The following CCDC82 variants were observed in gnomAD, a reference collection of about 807,000 sequenced individuals.
CCDC82 encodes coiled-coil domain containing 82.
A neutral mutation model predicts 60.6 loss-of-function variants in CCDC82; 47 were observed. The observed-to-expected ratio is 0.77, with a 90% CI of 0.61 to 0.99. The LOEUF is 0.99. Ranked by LOEUF, CCDC82 falls within the 50% of genes least tolerant of loss-of-function variation. The pLI is 0.00. For synonymous variants in CCDC82, 212 were observed against 207.4 expected (o/e 1.02, Z -0.19); for missense variants, 588 against 633.0 (o/e 0.93, Z 0.76).
At chr11:96,382,637 GA>G (rs1303136256) in intron 5 of CCDC82, 1 of 151,750 alleles carries the variant, frequency 6.6e-6, no homozygotes, top group Non-Finnish European at 1.5e-5. Context: ...ATATGGTTTT[GA>G]ATTCCATATT....
rs77632114 is a variant in CCDC82 at position 96,375,457 on chromosome 11, G to C, written c.992-1990C>G. Among the ~76,000 whole-genome samples the C allele has an allele frequency of 8.8e-3, 1,334 of 152,278 alleles. 17 individuals carry two copies. Among genetic ancestry groups the C allele is most frequent in the African/African-American group, 0.031 (1,278 of 41,556 alleles). ...AAAAGGCACCTATTTCATTATGCTT[G>C]AGTAGACTGGTGGGTGGTGGTGGGT... On this transcript the variant is annotated intron_variant, in intron 5 of 9. Coordinates refer to ENST00000646818, the MANE Select transcript of CCDC82 (RefSeq NM_024725.4).
At chr11:96,357,751 ACTTAAGAATTTAATGTTGT>A in intron 9 of CCDC82, 17 of 985,456 alleles carry the variant, frequency 1.7e-5, no homozygotes, top group Non-Finnish European at 2.0e-5. Flanking sequence ...CAATAAAAGC[ACTTAAGAATTTAATGTTGT>A]CTAGGAAAAT....
chr11:96,363,397 AATT>A (rs1347417409), intron 8 of CCDC82: 1 of 152,178 alleles, frequency 6.6e-6, no homozygotes, highest in African/African-American at 2.4e-5. Flanking sequence ...TTAAAGAAAA[AATT>A]ACTGAAAAAA....
intron 8 of CCDC82, chr11:96,364,586 A>G (rs1864847778): frequency 6.5e-6 from 1 of 153,464 alleles, no homozygotes; most frequent in Admixed American, 6.5e-5. Context: ...TTGTAAATGC[A>G]GCAATCTTAT....
intron 7 of CCDC82, among the ~76,000 whole-genome samples, chr11:96,367,864 C>T (rs1238124051): frequency 6.7e-6 from 1 of 149,494 alleles, no homozygotes; most frequent in Non-Finnish European, 1.5e-5. Flanking sequence ...CTGTGTCACC[C>T]AGACTGAGTG....
chr11:96,358,251 T>C (rs117644218), intron 9 of CCDC82: 11,152 of 1,068,154 alleles, frequency 0.01, 71 homozygotes, highest in Non-Finnish European at 0.012. Context: ...TATACATTCA[T>C]GTAACTAGAC....
rs775025372 is a variant in CCDC82 at position 96,371,124 on chromosome 11, T to C, written c.1098A>G (p.Gln366=). 1 of 1,592,730 alleles carries C rather than the reference T, an allele frequency of 6.3e-7. No homozygotes were observed. Among genetic ancestry groups the C allele is most frequent in the South Asian group, 1.2e-5 (1 of 85,552 alleles). ...FLGTLYDGTR[Q]KSYAKDMLTS... Reference sequence around the variant, plus strand: ...TTAGCATATCTTTTGCATATGATTTTTGCCTTGTGCCATCTGTTCAGGGGA... The same window carrying C: ...TTAGCATATCTTTTGCATATGATTTCTGCCTTGTGCCATCTGTTCAGGGGA... Residue 366 remains glutamine, a synonymous_variant, in exon 7 of 10, where the codon CAA becomes CAG. Coordinates refer to ENST00000646818, the MANE Select transcript of CCDC82 (RefSeq NM_024725.4).
At chr11:96,365,624 C>CT (rs1327055847) in intron 7 of CCDC82, among the ~76,000 whole-genome samples, 2 of 152,174 alleles carry the variant, frequency 1.3e-5, no homozygotes, top group Non-Finnish European at 2.9e-5. Context: ...CCTATGATAA[C>CT]TTACTACAGT....
chr11:96,360,362 T>G (rs1404115778), intron 8 of CCDC82, among the ~76,000 whole-genome samples: 2 of 151,208 alleles, frequency 1.3e-5, no homozygotes, highest in East Asian at 3.9e-4. Flanking sequence ...GCAGCTAATT[T>G]TTTTTTTTTG....
At chr11:96,361,325 G>A (rs1378998366) in intron 8 of CCDC82, among the ~76,000 whole-genome samples, 1 of 152,158 alleles carries the variant, frequency 6.6e-6, no homozygotes, top group Non-Finnish European at 1.5e-5. Context: ...AAGAGGGAAG[G>A]AGAGGTGTTT....
At chr11:96,364,709 T>G in intron 8 of CCDC82, 1 of 238,816 alleles carries the variant, frequency 4.2e-6, no homozygotes, top group Non-Finnish European at 8.0e-6. Context: ...TTTTTTCTAT[T>G]CATACAGAAT....
chr11:96,357,691 C>T, intron 9 of CCDC82: 1 of 984,994 alleles, frequency 1.0e-6, no homozygotes, highest in African/African-American at 1.7e-5. Context: ...ACTGTGCTAT[C>T]CCAATAGGTT....
In CCDC82 at chr11:96,384,806, A is replaced by G; in HGVS notation, c.-14-45T>C. 4.1e-6 allele frequency: 5 copies of G among 1,216,922 alleles called. 1 individual carries two copies. The South Asian group carries it at 6.5e-5, about 16-fold the overall frequency. The allele number at this position is 1,216,922 out of a possible 1,614,324, so 75.4% of individuals were successfully genotyped here. On this transcript the variant is annotated intron_variant, in intron 3 of 9. Transcript: ENST00000646818. ...GGAATATAACAGTGATAACCAGATT[A>G]GAGCAATGAATGCATTTATGGTATA...
intron 5 of CCDC82, chr11:96,381,953 C>T (rs1047611145): frequency 6.6e-6 from 1 of 151,766 alleles, no homozygotes; most frequent in Non-Finnish European, 1.5e-5. Context: ...CTGTCATTAC[C>T]ACTATGCACT....
rs998138165 is a variant in CCDC82, at chr11:96,360,486, C to T, written c.1381-1308G>A. Among the ~76,000 whole-genome samples, 4 of 152,022 alleles carry T rather than the reference C, an allele frequency of 2.6e-5. No individual in the cohort carries two copies. The South Asian group carries it at 8.3e-4, about 32-fold the overall frequency. On this transcript the variant is annotated intron_variant, in intron 8 of 9. Coordinates refer to ENST00000646818, the MANE Select transcript of CCDC82 (RefSeq NM_024725.4). ...CTGGGATTATAGGTGTGAGCCACCACGCCCAGCCAATATATTTTTACCTAC... is the reference window on the plus strand; with the variant it reads ...CTGGGATTATAGGTGTGAGCCACCATGCCCAGCCAATATATTTTTACCTAC...
At chr11:96,382,939 T>C in intron 5 of CCDC82, 3 of 193,594 alleles carry the variant, frequency 1.5e-5, no homozygotes, top group Non-Finnish European at 3.1e-5. Flanking sequence ...TTTCATAAAA[T>C]TGTTATTTAC....
At chr11:96,375,594 G>T (rs544289276) in intron 5 of CCDC82, among the ~76,000 whole-genome samples, 4 of 152,262 alleles carry the variant, frequency 2.6e-5, no homozygotes, top group Admixed American at 1.3e-4. Context: ...AAGCCTGTGG[G>T]ATACTACCAT....
intron 5 of CCDC82, among the ~76,000 whole-genome samples, chr11:96,377,689 T>A: frequency 6.6e-6 from 1 of 152,114 alleles, no homozygotes; most frequent in East Asian, 1.9e-4. Flanking sequence ...TGTGATATAT[T>A]AATGTAATAT....
chr11:96,356,862 C>G, intron 9 of CCDC82: 1 of 985,218 alleles, frequency 1.0e-6, no homozygotes, highest in Non-Finnish European at 1.2e-6. Context: ...AGTAAAATGG[C>G]TGAAGAAGCA....
Sources: allele counts gnomAD v4.1 joint callset (sites outside exome capture counted in the v4.1 genomes callset), GRCh38; gene constraint gnomAD v4.1.1; transcripts MANE v1.5; gene names NCBI Gene and HGNC (gene_info 2026-07-23, HGNC 2026-07-21).